PRMT3: variants seen among roughly 807,000 people sequenced by gnomAD.
The protein encoded by PRMT3 is protein arginine methyltransferase 3.
In PRMT3, 62 loss-of-function variants were observed where a neutral mutation model predicts 71.9. The observed-to-expected ratio is 0.86, with a 90% CI of 0.70 to 1.07. The LOEUF (loss-of-function observed/expected upper bound fraction) is 1.07, where lower values mean the gene tolerates loss of function less well. PRMT3 is among the 50% of genes least tolerant of loss of function. The probability of loss-of-function intolerance (pLI) is 0.00; values close to 1 mark genes in which losing one functional copy is unlikely to be tolerated. For missense variants in PRMT3, 663 were observed against 643.0 expected (o/e 1.03, Z -0.34); for synonymous variants, 213 against 220.4 (o/e 0.97, Z 0.30).
intron 14 of PRMT3, 57 bp from the exon 15 acceptor site, chr11:20,494,109 TA>T: frequency 6.6e-7 from 1 of 1,504,948 alleles, no homozygotes; most frequent in Non-Finnish European, 9.2e-7. Context: ...TAGATTAATG[TA>T]CCATGATATT....
At chr11:20,492,943 T>C (rs1016519733) in intron 13 of PRMT3, among the ~76,000 whole-genome samples, 1 of 151,966 alleles carries the variant, frequency 6.6e-6, no homozygotes, top group Non-Finnish European at 1.5e-5. Flanking sequence ...TGTAGTCCCA[T>C]CTACTCAGCC....
At chr11:20,471,865 TTC>T (rs1430338170) in intron 13 of PRMT3, among the ~76,000 whole-genome samples, 1 of 152,152 alleles carries the variant, frequency 6.6e-6, no homozygotes, top group Non-Finnish European at 1.5e-5. Context: ...TTTGTGTCCT[TTC>T]TGTTTTCTTT....
intron 9 of PRMT3, among the ~76,000 whole-genome samples, chr11:20,408,503 T>A (rs779613936): frequency 3.3e-5 from 5 of 152,170 alleles, no homozygotes; most frequent in Non-Finnish European, 7.4e-5. Context: ...CCAAAGTTGC[T>A]GAAAACAAGG....
intron 5 of PRMT3, among the ~76,000 whole-genome samples, chr11:20,394,409 T>G (rs766174259): frequency 1.3e-5 from 2 of 152,164 alleles, no homozygotes; most frequent in Non-Finnish European, 2.9e-5. Context: ...TTATTGAATG[T>G]GTAGAATTCT....
At chr11:20,423,532 A>G (rs1849472203) in intron 9 of PRMT3, among the ~76,000 whole-genome samples, 1 of 152,136 alleles carries the variant, frequency 6.6e-6, no homozygotes, top group Non-Finnish European at 1.5e-5. Context: ...CTGCAAGTCT[A>G]AAATATTTTT....
At chr11:20,427,108 CT>C (rs777672720) in intron 10 of PRMT3, among the ~76,000 whole-genome samples, 1 of 152,140 alleles carries the variant, frequency 6.6e-6, no homozygotes, top group East Asian at 1.9e-4. Flanking sequence ...GATAAATTAT[CT>C]TTTTTATCTT....
intron 13 of PRMT3, among the ~76,000 whole-genome samples, chr11:20,465,414 TTTTATGGAAAATTG>T (rs983864879): frequency 6.6e-6 from 1 of 152,020 alleles, no homozygotes; most frequent in African/African-American, 2.4e-5. Flanking sequence ...AAGTTTACAT[TTTTATGGAAAATTG>T]TATTGTCAGA....
At chr11:20,494,354 T>A (rs1045886874) in intron 15 of PRMT3, 100 bp downstream of exon 15, 1 of 1,060,248 alleles carries the variant, frequency 9.4e-7, no homozygotes, top group African/African-American at 1.6e-5. Flanking sequence ...ATATTTGTTT[T>A]TTGAGACGGA....
rs57201745 is a variant in PRMT3 at position 20,504,707 on chromosome 11, TGAGAGAGAGAGAGAGA to T, written c.1487-3573_1487-3558del. Among the ~76,000 whole-genome samples the T allele has an allele frequency of 3.8e-4, 51 of 133,646 alleles. No individual in the cohort carries two copies. In the South Asian group the frequency reaches 4.3e-3, roughly 11 times the overall value. 87.7% of individuals were successfully genotyped at this position (133,646 alleles called of 152,430 possible). Reference sequence around the variant, plus strand: ...TATTGTATGTGTGTGTGTGTGTGTGTGAGAGAGAGAGAGAGAGAGAGAGAGAGAGAGAGAGAGAGCG... The same window carrying T: ...TATTGTATGTGTGTGTGTGTGTGTGTGAGAGAGAGAGAGAGAGAGAGAGCG... On this transcript the variant is annotated intron_variant, in intron 15 of 15. Transcript: ENST00000331079.
chr11:20,388,261 T>G (rs1427764808), intron 2 of PRMT3, 107 bp downstream of exon 2: 2 of 1,497,526 alleles, frequency 1.3e-6, no homozygotes, highest in African/African-American at 2.8e-5. Context: ...TGGCCTGTCT[T>G]TGAATTCTGG....
intron 11 of PRMT3, among the ~76,000 whole-genome samples, chr11:20,460,219 T>C (rs1463835115): frequency 6.6e-6 from 1 of 152,192 alleles, no homozygotes; most frequent in Non-Finnish European, 1.5e-5. Flanking sequence ...TGTTTACACC[T>C]GAAAGCTAGT....
chr11:20,425,771 C>T (rs1849532285), intron 9 of PRMT3, among the ~76,000 whole-genome samples: 1 of 152,024 alleles, frequency 6.6e-6, no homozygotes, highest in Non-Finnish European at 1.5e-5. Context: ...GGGATGGGCA[C>T]TAATCTTTGG....
At chr11:20,432,279 G>A (rs1849670269) in intron 10 of PRMT3, among the ~76,000 whole-genome samples, 1 of 152,008 alleles carries the variant, frequency 6.6e-6, no homozygotes, top group Non-Finnish European at 1.5e-5. Context: ...CTCTAAAATT[G>A]TATAACAACT....
At chr11:20,467,757 G>C (rs1373242365) in intron 13 of PRMT3, among the ~76,000 whole-genome samples, 1 of 152,132 alleles carries the variant, frequency 6.6e-6, no homozygotes, top group Non-Finnish European at 1.5e-5. Context: ...GTTTGGTTAA[G>C]CATCTACATT....
chr11:20,390,807 T>C (rs563670688), intron 3 of PRMT3, among the ~76,000 whole-genome samples: 36 of 152,188 alleles, frequency 2.4e-4, no homozygotes, highest in Middle Eastern at 6.8e-3. Context: ...GTGAAAACCT[T>C]TGGGAGGCCA....
At chr11:20,477,670 C>T (rs1238902699) in intron 13 of PRMT3, among the ~76,000 whole-genome samples, 3 of 152,048 alleles carry the variant, frequency 2.0e-5, no homozygotes, top group Non-Finnish European at 4.4e-5. Context: ...AATAGATTTT[C>T]TTGAGGTACC....
intron 5 of PRMT3, among the ~76,000 whole-genome samples, chr11:20,393,340 G>A (rs920379752): frequency 1.3e-5 from 2 of 152,128 alleles, no homozygotes; most frequent in African/African-American, 4.8e-5. Flanking sequence ...CCATCTACTC[G>A]GGAGGTTGAG....
chr11:20,469,172 A>G (rs939523152), intron 13 of PRMT3, among the ~76,000 whole-genome samples: 6 of 152,224 alleles, frequency 3.9e-5, no homozygotes, highest in Non-Finnish European at 7.3e-5. Context: ...CATCTATCAT[A>G]TCAGCCTGCT....
chr11:20,494,766 T>C (rs566691169), intron 15 of PRMT3, among the ~76,000 whole-genome samples: 4 of 152,294 alleles, frequency 2.6e-5, no homozygotes, highest in African/African-American at 9.6e-5. Context: ...TTCTGCCAAC[T>C]AAAATAAATA....
Sources: gnomAD v4.1 joint callset for allele counts (sites outside exome capture counted in the v4.1 genomes callset) on GRCh38, gnomAD v4.1.1 for gene constraint, MANE v1.5 for transcripts, NCBI Gene and HGNC (gene_info 2026-07-23, HGNC 2026-07-21) for gene names.